USF3: variants seen among roughly 807,000 people sequenced by gnomAD.
USF3 encodes upstream transcription factor family member 3.
In USF3, 29 loss-of-function variants were observed where a neutral mutation model predicts 157.5. The ratio of observed to expected loss-of-function variants is 0.18; its 90% CI spans 0.14 to 0.25. The LOEUF is 0.25. Ranked by LOEUF, USF3 falls within the 10% of genes least tolerant of loss-of-function variation. The pLI is 1.00. For missense variants in USF3, 2,381 were observed against 2,667.6 expected (o/e 0.89, Z 2.37); for synonymous variants, 893 against 941.4 (o/e 0.95, Z 0.94).
At chr3:113,678,606 G>A (rs1169250413) in intron 1 of USF3, among the ~76,000 whole-genome samples, 1 of 151,704 alleles carries the variant, frequency 6.6e-6, no homozygotes, top group African/African-American at 2.4e-5. Flanking sequence ...AGCATCTATT[G>A]GAAAGGAACT....
intron 1 of USF3, among the ~76,000 whole-genome samples, chr3:113,686,689 G>C (rs1559724822): frequency 6.6e-6 from 1 of 152,174 alleles, no homozygotes; most frequent in South Asian, 2.1e-4. Flanking sequence ...CCCTTCCTCA[G>C]TGCTTGTGAT....
chr3:113,696,121 G>C (rs1175666576), intron 1 of USF3, among the ~76,000 whole-genome samples: 1 of 152,204 alleles, frequency 6.6e-6, no homozygotes, highest in East Asian at 1.9e-4. Context: ...AGCCCCCCAC[G>C]GGCCTGGCAG....
intron 6 of USF3, 76 bp downstream of exon 6, chr3:113,664,237 A>T (rs138894550): frequency 1.1e-6 from 1 of 911,976 alleles, no homozygotes; most frequent in East Asian, 2.6e-5. Flanking sequence ...TCTATGTCAT[A>T]ATATAAATTT....
At chr3:113,681,824 A>G (rs1309755086) in intron 1 of USF3, among the ~76,000 whole-genome samples, 1 of 150,802 alleles carries the variant, frequency 6.6e-6, no homozygotes, top group Non-Finnish European at 1.5e-5. Flanking sequence ...GGTTCAAGCA[A>G]TTCTCTCCCT....
Position 113,658,973 on chromosome 3 carries a change from T to C in USF3, c.2709A>G (p.Ala903=), listed in dbSNP as rs377389632. 2 of 1,614,100 alleles carry C rather than the reference T, an allele frequency of 1.2e-6. No homozygotes were observed. Among genetic ancestry groups the C allele is most frequent in the African/African-American group, 2.7e-5 (2 of 74,936 alleles). ...AATCTTTGGATTTTGCTGCGGCCAT[T>C]GCAAAATGTTCACTTGTTACAGATT... ...SQESVTSEHF[A]MAAAKSKDST... is the part of the protein sequence containing the mutation. Residue 903 remains alanine (A), a synonymous_variant, in exon 7 of 7, where the codon GCA becomes GCG. Coordinates refer to ENST00000316407, the MANE Select transcript of USF3 (RefSeq NM_001009899.4).
At chr3:113,667,752 A>G (rs1408746264) in intron 5 of USF3, among the ~76,000 whole-genome samples, 1 of 152,104 alleles carries the variant, frequency 6.6e-6, no homozygotes, top group Non-Finnish European at 1.5e-5. Context: ...CTGTAATCCT[A>G]GCTACTCAGG....
In USF3 at chr3:113,657,429, A is replaced by G. The variant is rs1390549858; in HGVS notation, c.4253T>C (p.Val1418Ala). Residue 1418 changes from valine to alanine, a missense_variant, in exon 7 of 7, where the codon GTT becomes GCT. Transcript: ENST00000316407. ...FVTPALRQTE[V>A]QCGSQPSVAE... is the part of the protein sequence containing the mutation. The stretch of plus-strand genomic sequence containing the variant: ...AACTGAAGGCTGAGAACCACACTGA[A>G]CTTCAGTTTGCCTCAATGCAGGAGT... 1 of 1,614,134 alleles carries G rather than the reference A, an allele frequency of 6.2e-7. No individual in the cohort carries two copies. The highest frequency in any genetic ancestry group is 2.2e-5 in the East Asian group (1 of 44,880).
intron 3 of USF3, among the ~76,000 whole-genome samples, 193 bp downstream of exon 3, chr3:113,674,639 G>A (rs1430611223): frequency 6.6e-6 from 1 of 152,130 alleles, no homozygotes; most frequent in Non-Finnish European, 1.5e-5. Context: ...CACCACACCC[G>A]GCCAGGACAG....
chr3:113,667,130 C>A (rs528065080), intron 5 of USF3, among the ~76,000 whole-genome samples: 14 of 152,116 alleles, frequency 9.2e-5, no homozygotes, highest in Non-Finnish European at 1.9e-4. Context: ...ATTCTGAGTT[C>A]TTTACACTGA....
chr3:113,682,951 C>G (rs953361399), intron 1 of USF3, among the ~76,000 whole-genome samples: 3 of 148,874 alleles, frequency 2.0e-5, no homozygotes, highest in African/African-American at 7.4e-5. Context: ...TGGATTGGAG[C>G]ATTTAGCTCA....
chr3:113,652,060 G>C lies in USF3; in HGVS notation c.*2884C>G, dbSNP rs1947268509. On this transcript the variant is annotated 3_prime_UTR_variant, in exon 7 of 7. Coordinates refer to ENST00000316407, the MANE Select transcript of USF3 (RefSeq NM_001009899.4). Reference sequence around the variant, plus strand: ...TTTCAATTATGTCTAGCAGTCCCCAGTCCTTCAGAACTTAACAGCCACTGG... The same window carrying C: ...TTTCAATTATGTCTAGCAGTCCCCACTCCTTCAGAACTTAACAGCCACTGG... 6.6e-6 allele frequency: 1 copy of C among 151,440 alleles called. No homozygotes were observed. The highest frequency in any genetic ancestry group is 2.1e-4 in the South Asian group (1 of 4,778). 9.4% of individuals were successfully genotyped at this position (151,440 alleles called of 1,614,324 possible). A position where few individuals can be genotyped will look rare whatever the true frequency, so the allele number is the denominator to read the frequency against.
At chr3:113,684,281 CT>C in intron 1 of USF3, among the ~76,000 whole-genome samples, 1 of 151,808 alleles carries the variant, frequency 6.6e-6, no homozygotes, top group Admixed American at 6.6e-5. Context: ...TCTTAGGATC[CT>C]TTTTTATCCT....
Position 113,651,690 on chromosome 3 carries a change from G to C in USF3, c.*3254C>G, listed in dbSNP as rs1235590158. On this transcript the variant is annotated 3_prime_UTR_variant, in exon 7 of 7. Coordinates refer to ENST00000316407, the MANE Select transcript of USF3 (RefSeq NM_001009899.4). Reference sequence around the variant, plus strand: ...TATTCATGCTTTTAAATCAAATAAGGGTACTATGGTCTGAACACTTTCAGA... The same window carrying C: ...TATTCATGCTTTTAAATCAAATAAGCGTACTATGGTCTGAACACTTTCAGA... 1 of 151,990 alleles carries C rather than the reference G, an allele frequency of 6.6e-6. No individual in the cohort carries two copies. Among genetic ancestry groups the C allele is most frequent in the African/African-American group, 2.4e-5 (1 of 41,376 alleles). The allele number at this position is 151,990 out of a possible 1,614,324, so 9.4% of individuals were successfully genotyped here.
chr3:113,661,181 C>G lies in USF3; in HGVS notation c.501G>C (p.Gly167=), dbSNP rs1204090686. ...GGNSQGTAVQ[G]ITFNVSHNLQ... is the part of the protein sequence containing the mutation. The stretch of plus-strand genomic sequence containing the variant: ...AATTATGACTAACATTAAAAGTTAT[C>G]CCCTGAACAGCTGTTCCCTGGCTGT... Residue 167 remains glycine, a synonymous_variant, in exon 7 of 7, where the codon GGG becomes GGC. Coordinates refer to ENST00000316407, the MANE Select transcript of USF3 (RefSeq NM_001009899.4). 6.2e-7 allele frequency: 1 copy of G among 1,614,060 alleles called. No homozygotes were observed. The highest frequency in any genetic ancestry group is 2.2e-5 in the East Asian group (1 of 44,902).
intron 5 of USF3, among the ~76,000 whole-genome samples, chr3:113,666,013 C>T (rs1259035060): frequency 3.6e-4 from 54 of 151,876 alleles, no homozygotes; most frequent in Non-Finnish European, 1.2e-4. Context: ...GGAGAAACCC[C>T]GTCTCTACTA....
In USF3 at chr3:113,659,513, C is replaced by T. The variant is rs752475560; in HGVS notation, c.2169G>A (p.Gly723=). The change falls in exon 7 of 7, where the codon GGG becomes GGA. Residue 723 remains glycine (G), a synonymous_variant. Coordinates refer to ENST00000316407, the MANE Select transcript of USF3 (RefSeq NM_001009899.4). The part of the protein sequence containing the change: ...SLNQSISQMA[G]QSCVQLSISQ... ...TAATAGACAATTGTACACAGCTTTG[C>T]CCAGCCATCTGTGATATGCTTTGAT... 1.2e-6 allele frequency: 2 copies of T among 1,614,198 alleles called. No homozygotes were observed. The highest frequency in any genetic ancestry group is 2.2e-5 in the South Asian group (2 of 91,086).
chr3:113,665,226 A>G (rs972423121), intron 5 of USF3, among the ~76,000 whole-genome samples: 23 of 152,202 alleles, frequency 1.5e-4, no homozygotes, highest in African/African-American at 5.5e-4. Flanking sequence ...TAGGCTCGGC[A>G]CGTTGGAGGA....
At chr3:113,681,838 C>T (rs1050336130) in intron 1 of USF3, among the ~76,000 whole-genome samples, 6 of 150,934 alleles carry the variant, frequency 4.0e-5, no homozygotes, top group African/African-American at 1.5e-4. Context: ...TCTCCCTCAG[C>T]CTCCCGAGTA....
chr3:113,685,472 G>GAAATGCACTCCAGGAGCC (rs1707527776), intron 1 of USF3, among the ~76,000 whole-genome samples: 1 of 152,164 alleles, frequency 6.6e-6, no homozygotes, highest in African/African-American at 2.4e-5. Flanking sequence ...GGGGGGTCTA[G>GAAATGCACTCCAGGAGCC]AAATGCACTC....
Sources: gnomAD v4.1 joint callset for allele counts (sites outside exome capture counted in the v4.1 genomes callset) on GRCh38, gnomAD v4.1.1 for gene constraint, MANE v1.5 for transcripts, NCBI Gene and HGNC (gene_info 2026-07-23, HGNC 2026-07-21) for gene names.